The following NCAM1 variants were observed in gnomAD, a reference collection of about 807,000 sequenced individuals.
NCAM1 encodes neural cell adhesion molecule 1.
In NCAM1, 14 loss-of-function variants were observed where a neutral mutation model predicts 109.8. The ratio of observed to expected loss-of-function variants is 0.13; its 90% confidence interval spans 0.08 to 0.20. The LOEUF (loss-of-function observed/expected upper bound fraction) is 0.20. NCAM1 is among the 10% of genes least tolerant of loss of function. The probability of loss-of-function intolerance (pLI) is 1.00; values close to 1 mark genes in which losing one functional copy is unlikely to be tolerated. For synonymous variants in NCAM1, 418 were observed against 442.9 expected, an observed-to-expected ratio of 0.94 and a Z score of 0.70; for missense variants, 774 against 1,109.9, an observed-to-expected ratio of 0.70 and a Z score of 4.30.
intron 1 of NCAM1, among the ~76,000 whole-genome samples, chr11:113,061,016 A>C (rs1054280091): frequency 6.6e-6 from 1 of 152,144 alleles, no homozygotes; most frequent in Admixed American, 6.5e-5. Flanking sequence ...GAATCTCCAG[A>C]ACTTATGTAT....
At chr11:113,210,155 C>T (rs1337535049) in intron 7 of NCAM1, among the ~76,000 whole-genome samples, 1 of 152,122 alleles carries the variant, frequency 6.6e-6, no homozygotes, top group Non-Finnish European at 1.5e-5. Flanking sequence ...CGATCATCAC[C>T]TGTCTCTAGG....
chr11:113,174,819 C>T (rs1943097931), intron 1 of NCAM1, among the ~76,000 whole-genome samples: 1 of 152,152 alleles, frequency 6.6e-6, no homozygotes, highest in Non-Finnish European at 1.5e-5. Flanking sequence ...AGGAGGGACT[C>T]CTGCCAAAAC....
rs1332726228 is a variant in NCAM1 at position 113,275,584 on chromosome 11, T to C, written c.*197T>C. On this transcript the variant is annotated 3_prime_UTR_variant, in exon 20 of 20. Coordinates refer to ENST00000316851, the MANE Select transcript of NCAM1 (RefSeq NM_181351.5). ...AACATGGGAATCTCCTTTTTGTAGG[T>C]TTATAGAAAGGGTCCCTTTGTTGCA... The C allele has an allele frequency of 3.4e-5, 23 of 683,728 alleles. 1 individual carries two copies. The East Asian group carries it at 7.2e-4, about 21-fold the overall frequency. 42.4% of individuals were successfully genotyped at this position (683,728 alleles called of 1,614,324 possible). A position where few individuals can be genotyped will look rare whatever the true frequency, so the allele number is the denominator to read the frequency against.
Position 113,232,818 on chromosome 11 carries a change from A to G in NCAM1, c.1522+4A>G. 1 of 1,611,656 alleles carries G rather than the reference A, an allele frequency of 6.2e-7. No homozygotes were observed. Among genetic ancestry groups the G allele is most frequent in the African/African-American group, 1.3e-5 (1 of 74,982 alleles). On this transcript the variant is annotated splice_donor_region_variant and intron_variant, in intron 12 of 19. Coordinates refer to ENST00000316851, the MANE Select transcript of NCAM1 (RefSeq NM_181351.5). ...GAATTCATCCTTGTTCAAGCAGGTGAGTGTCCCTTACTCACCTGAGAGCAG... is the reference window on the plus strand; with the variant it reads ...GAATTCATCCTTGTTCAAGCAGGTGGGTGTCCCTTACTCACCTGAGAGCAG...
At chr11:113,258,963 G>A (rs1374808848) in intron 16 of NCAM1, among the ~76,000 whole-genome samples, 1 of 152,124 alleles carries the variant, frequency 6.6e-6, no homozygotes, top group African/African-American at 2.4e-5. Context: ...AAACCCCACA[G>A]GCATGTTGTA....
At chr11:113,113,839 G>A (rs1217961031) in intron 1 of NCAM1, among the ~76,000 whole-genome samples, 1 of 152,084 alleles carries the variant, frequency 6.6e-6, no homozygotes, top group Non-Finnish European at 1.5e-5. Flanking sequence ...CATGATACAG[G>A]GCTTTAAAAT....
chr11:113,207,925 A>C lies in NCAM1; in HGVS notation c.839A>C (p.Asn280Thr). Residue 280 changes from asparagine to threonine, a missense_variant, in exon 7 of 20, where the codon AAC becomes ACC. This residue lies in a region of NCAM1 where 523 missense variants were observed against 784.2 expected (regional missense o/e 0.67). Coordinates refer to ENST00000316851, the MANE Select transcript of NCAM1 (RefSeq NM_181351.5). ...SQLTIKKVDK[N>T]DEAEYICIAE... ...CTGACCATCAAAAAGGTGGATAAGA[A>C]CGACGAGGCTGAGTACATCTGCATT... The C allele has an allele frequency of 6.2e-7, 1 of 1,612,798 alleles. No individual in the cohort carries two copies. The highest frequency in any genetic ancestry group is 8.5e-7 in the Non-Finnish European group (1 of 1,179,450).
At position 113,240,704 on chromosome 11, in the gene NCAM1, GT is replaced by G; in HGVS notation, c.1825+5542del. On this transcript the variant is annotated intron_variant, in intron 14 of 19. Coordinates refer to ENST00000316851, the MANE Select transcript of NCAM1 (RefSeq NM_181351.5). ...CAGCTCCTCATACTGATGCCCCAGGGTTGTTGCTTCCATTTTTTTTTCATTC... is the reference window on the plus strand; with the variant it reads ...CAGCTCCTCATACTGATGCCCCAGGGTGTTGCTTCCATTTTTTTTTCATTC... 2.1e-5 allele frequency: 28 copies of G among 1,318,542 alleles called. No individual in the cohort carries two copies. The South Asian group carries it at 2.8e-4, about 13-fold the overall frequency. The allele number at this position is 1,318,542 out of a possible 1,614,324, so 81.7% of individuals were successfully genotyped here. A position where few individuals can be genotyped will look rare whatever the true frequency, so the allele number is the denominator to read the frequency against.
chr11:113,202,156 G>A (rs1301260731), intron 1 of NCAM1, among the ~76,000 whole-genome samples: 2 of 152,160 alleles, frequency 1.3e-5, no homozygotes, highest in African/African-American at 4.8e-5. Flanking sequence ...AATGGTCTGG[G>A]CCGTGTCTCT....
chr11:113,111,061 C>T (rs1940424708), intron 1 of NCAM1, among the ~76,000 whole-genome samples: 1 of 152,114 alleles, frequency 6.6e-6, no homozygotes, highest in African/African-American at 2.4e-5. Flanking sequence ...TGATAAATAA[C>T]CTGCCCAGTG....
At chr11:113,114,679 C>T (rs1377760811) in intron 1 of NCAM1, among the ~76,000 whole-genome samples, 1 of 152,184 alleles carries the variant, frequency 6.6e-6, no homozygotes, top group Admixed American at 6.5e-5. Flanking sequence ...GCTCTGAGAG[C>T]ACCTCACTCA....
At chr11:113,021,223 T>C (rs1555076245) in intron 1 of NCAM1, among the ~76,000 whole-genome samples, 2 of 152,224 alleles carry the variant, frequency 1.3e-5, no homozygotes, top group Non-Finnish European at 2.9e-5. Flanking sequence ...ATTGACTGAA[T>C]GAATCAGATC....
rs148340673 is a variant in NCAM1, at chr11:113,185,068, T to TTATATATATATA, written c.53-17310_53-17299dup. ...TATGTGTATGTGTGTGCATTTATAT[T>TTATATATATATA]TATATATATATAGAGAGAGAGAGAG... On this transcript the variant is annotated intron_variant, in intron 1 of 19. Transcript: ENST00000316851. 6.2e-4 allele frequency among the ~76,000 whole-genome samples: 62 copies of TTATATATATATA among 99,620 alleles called. 1 individual carries two copies. The highest frequency in any genetic ancestry group is 2.4e-3 in the African/African-American group (57 of 24,024). The allele number at this position is 99,620 out of a possible 152,430, so 65.4% of individuals were successfully genotyped here.
At chr11:113,076,491 C>T (rs1555086146) in intron 1 of NCAM1, among the ~76,000 whole-genome samples, 1 of 152,204 alleles carries the variant, frequency 6.6e-6, no homozygotes, top group East Asian at 1.9e-4. Flanking sequence ...ATCCTCATTT[C>T]TGCACAGATT....
chr11:113,155,709 C>T (rs1555103363), intron 1 of NCAM1, among the ~76,000 whole-genome samples: 2 of 151,996 alleles, frequency 1.3e-5, no homozygotes, highest in African/African-American at 2.4e-5. Flanking sequence ...AGTTATATGT[C>T]CTTTTCTTCA....
intron 14 of NCAM1, among the ~76,000 whole-genome samples, chr11:113,237,857 T>G (rs1215218837): frequency 5.4e-5 from 6 of 110,634 alleles, no homozygotes; most frequent in African/African-American, 1.8e-4. Flanking sequence ...GGTGAGACCA[T>G]ATATATAGAT....
At chr11:113,115,785 G>A (rs1405294054) in intron 1 of NCAM1, among the ~76,000 whole-genome samples, 1 of 152,164 alleles carries the variant, frequency 6.6e-6, no homozygotes, top group African/African-American at 2.4e-5. Context: ...TAACAGTTAC[G>A]AGAATCTGGC....
chr11:113,205,545 G>A lies in NCAM1; in HGVS notation c.369G>A (p.Ala123=), dbSNP rs541244567. The part of the protein sequence containing the change: ...KIFQKLMFKN[A]PTPQEFREGE... ...CAGAGAAGCTCATGTTCAAGAATGC[G>A]CCAACCCCACAGGAGTTCCGGGAGG... The change falls in exon 4 of 20, where the codon GCG becomes GCA. Residue 123 remains alanine, a synonymous_variant. Transcript: ENST00000316851. 2.5e-5 allele frequency: 41 copies of A among 1,612,732 alleles called. No homozygotes were observed. The highest frequency in any genetic ancestry group is 2.0e-4 in the African/African-American group (15 of 74,950).
At chr11:113,077,681 GGAAGTACTTTTTTTTTTTTTTTGAGA>G (rs1555086384) in intron 1 of NCAM1, among the ~76,000 whole-genome samples, 2 of 116,166 alleles carry the variant, frequency 1.7e-5, no homozygotes, top group Non-Finnish European at 3.4e-5. Flanking sequence ...TGGGTGTTAA[GGAAGTACTTTTTTTTTTTTTTTGAGA>G]CGGAGTCTTG....
Sources: allele counts gnomAD v4.1 joint callset (sites outside exome capture counted in the v4.1 genomes callset), GRCh38; gene constraint gnomAD v4.1.1; regional missense constraint gnomAD v4.1.1; transcripts MANE v1.5; gene names NCBI Gene and HGNC (gene_info 2026-07-23, HGNC 2026-07-21).